DSC2: variants seen among roughly 807,000 people sequenced by gnomAD.
DSC2 encodes the protein desmocollin-2.
Under a neutral mutation model 87.6 loss-of-function variants are expected in DSC2, and 51 were observed. The observed-to-expected ratio is 0.58, with a 90% CI of 0.46 to 0.74. The LOEUF is 0.74. Among genes scored for constraint, DSC2 ranks in the 30% least tolerant of loss-of-function variants. The pLI is 0.00. For synonymous variants in DSC2, 383 were observed against 393.2 expected (o/e 0.97, Z 0.31); for missense variants, 1,066 against 1,089.5 (o/e 0.98, Z 0.30).
At chr18:31,093,742 A>C (rs1051734235) in intron 1 of DSC2, 99 bp from the exon 2 acceptor site, 1 of 411,244 alleles carries the variant, frequency 2.4e-6, no homozygotes, top group Non-Finnish European at 3.6e-6. Context: ...TGATATACAC[A>C]TAAAAAGGCA....
chr18:31,080,139 A>G lies in DSC2; in HGVS notation c.1477T>C (p.Tyr493His), dbSNP rs565828783. The change falls in exon 10 of 16, where the codon TAT (tyrosine) becomes CAT (histidine). Residue 493 changes from tyrosine to histidine, a missense_variant. Tyr to His is a moderately conservative substitution (Grantham distance 83). Transcript: ENST00000280904. Reference sequence around the variant, plus strand: ...CTTGTTTCTGGGTCATATGCTTTATATCCATTGCTTGTTGTTCCCACTTCT... The same window carrying G: ...CTTGTTTCTGGGTCATATGCTTTATGTCCATTGCTTGTTGTTCCCACTTCT... ...NAEVGTTSNG[Y>H]KAYDPETRSS... 1.2e-6 allele frequency: 2 copies of G among 1,614,090 alleles called. No individual in the cohort carries two copies. The highest frequency in any genetic ancestry group is 4.5e-5 in the East Asian group (2 of 44,876).
At position 31,092,281 on chromosome 18, in the gene DSC2, A is replaced by G. The variant is rs150792047; in HGVS notation, c.174T>C (p.Phe58=). The G allele has an allele frequency of 5.8e-5, 93 of 1,613,630 alleles. No individual in the cohort carries two copies. In the African/African-American group the frequency reaches 1.2e-3, roughly 21 times the overall value. ...TTGAATGAATTAGATTTGCAGCTGT[A>G]AAGCACTCTTTCAGGTTAACTGTAG... ...LVGRVNLKEC[F]TAANLIHSSD... Residue 58 remains phenylalanine (F), a synonymous_variant, in exon 3 of 16, where the codon TTT becomes TTC. Coordinates refer to ENST00000280904, the MANE Select transcript of DSC2 (RefSeq NM_024422.6).
intron 1 of DSC2, among the ~76,000 whole-genome samples, chr18:31,097,033 T>C (rs1987781248): frequency 6.6e-6 from 1 of 151,790 alleles, no homozygotes; most frequent in African/African-American, 2.4e-5. Context: ...ACAAGAAATT[T>C]CCACTTTGGG....
At chr18:31,098,669 G>A (rs1419494000) in intron 1 of DSC2, among the ~76,000 whole-genome samples, 1 of 151,582 alleles carries the variant, frequency 6.6e-6, no homozygotes, top group African/African-American at 2.4e-5. Context: ...TCCCCAGTCT[G>A]GTCTTGAACT....
chr18:31,085,453 T>C (rs906533860), intron 7 of DSC2, among the ~76,000 whole-genome samples: 1 of 151,396 alleles, frequency 6.6e-6, no homozygotes, highest in African/African-American at 2.4e-5. Context: ...AACATGTAAT[T>C]AATTTATTAT....
At chr18:31,081,403 G>C (rs879035049) in intron 9 of DSC2, among the ~76,000 whole-genome samples, 1 of 152,044 alleles carries the variant, frequency 6.6e-6, no homozygotes, top group Non-Finnish European at 1.5e-5. Flanking sequence ...TTCAGGTCTT[G>C]GACTTCACAC....
chr18:31,071,924 T>G (rs146248554), intron 12 of DSC2, 83 bp from the exon 13 acceptor site: 769 of 1,234,548 alleles, frequency 6.2e-4, no homozygotes, highest in Non-Finnish European at 8.4e-4. Flanking sequence ...ATCAGATAGT[T>G]ATATTTTCCT....
At chr18:31,078,547 T>C (rs1394805903) in intron 11 of DSC2, among the ~76,000 whole-genome samples, 1 of 152,306 alleles carries the variant, frequency 6.6e-6, no homozygotes, top group East Asian at 1.9e-4. Flanking sequence ...CAAGTGCCGT[T>C]GAGTTTCATG....
rs913827572 is a variant in DSC2, at chr18:31,065,057, T to C, written c.*2958A>G. 2.6e-5 allele frequency: 4 copies of C among 152,246 alleles called. No individual in the cohort carries two copies. Among genetic ancestry groups the C allele is most frequent in the Admixed American group, 1.3e-4 (2 of 15,276 alleles). The allele number at this position is 152,246 out of a possible 1,614,324, so 9.4% of individuals were successfully genotyped here. A position where few individuals can be genotyped will look rare whatever the true frequency, so the allele number is the denominator to read the frequency against. Reference sequence around the variant, plus strand: ...AGCCATTTCTTCGGGAAACTCTTTATGATTTTGCCTCCTCGAGAATTTTAC... The same window carrying C: ...AGCCATTTCTTCGGGAAACTCTTTACGATTTTGCCTCCTCGAGAATTTTAC... On this transcript the variant is annotated 3_prime_UTR_variant, in exon 16 of 16. Transcript: ENST00000280904.
rs71175757 is a variant in DSC2 at position 31,074,421 on chromosome 18, ATGTGTGTGTGTG to A, written c.1888+250_1888+261del. Among the ~76,000 whole-genome samples the A allele has an allele frequency of 0.23, 31,502 of 139,872 alleles. 3,748 individuals carry two copies. The highest frequency in any genetic ancestry group is 0.32 in the African/African-American group (11,845 of 37,520). 91.8% of individuals were successfully genotyped at this position (139,872 alleles called of 152,430 possible). On this transcript the variant is annotated intron_variant, in intron 12 of 15. Transcript: ENST00000280904. ...AGAGAGAAAGAGAGAAAGAGAAAAAATGTGTGTGTGTGTGTGTGTGTGTGTGTGTGTGTGTGT... is the reference window on the plus strand; with the variant it reads ...AGAGAGAAAGAGAGAAAGAGAAAAAATGTGTGTGTGTGTGTGTGTGTGTGT...
At position 31,063,590 on chromosome 18, in the gene DSC2, C is replaced by T. The variant is rs548641188; in HGVS notation, c.*4425G>A. 6.6e-6 allele frequency: 1 copy of T among 151,972 alleles called. No homozygotes were observed. 9.4% of individuals were successfully genotyped at this position (151,972 alleles called of 1,614,324 possible). A position where few individuals can be genotyped will look rare whatever the true frequency, so the allele number is the denominator to read the frequency against. On this transcript the variant is annotated 3_prime_UTR_variant, in exon 16 of 16. Transcript: ENST00000280904. Reference sequence around the variant, plus strand: ...AAAAGAGAACTAATCATGAGCAAGGCACAAATTGAAAAATGAAGGATACAA... The same window carrying T: ...AAAAGAGAACTAATCATGAGCAAGGTACAAATTGAAAAATGAAGGATACAA...
chr18:31,063,927 G>A lies in DSC2; in HGVS notation c.*4088C>T, dbSNP rs1223631810. The A allele has an allele frequency of 6.6e-6, 1 of 152,116 alleles. No homozygotes were observed. The highest frequency in any genetic ancestry group is 2.4e-5 in the African/African-American group (1 of 41,430). 9.4% of individuals were successfully genotyped at this position (152,116 alleles called of 1,614,324 possible). ...CCTATAGAAAGCTCTTAGGCAGAAT[G>A]GCATGATCATATCTGCTCTTTGATG... is the stretch of plus-strand genomic sequence containing the variant. On this transcript the variant is annotated 3_prime_UTR_variant, in exon 16 of 16. Coordinates refer to ENST00000280904, the MANE Select transcript of DSC2 (RefSeq NM_024422.6).
chr18:31,074,234 T>C (rs988759889), intron 12 of DSC2, among the ~76,000 whole-genome samples: 6 of 152,180 alleles, frequency 3.9e-5, no homozygotes, highest in African/African-American at 1.2e-4. Context: ...AGCAAATTCC[T>C]TAGTCATCAT....
In DSC2 at chr18:31,070,791, G is replaced by A; in HGVS notation, c.2185C>T (p.Pro729Ser). Residue 729 changes from proline to serine, a missense_variant, in exon 14 of 16, where the codon CCT (proline) becomes TCT (serine). Transcript: ENST00000280904. ...SGTSKQPKVI[P>S]DDLAQQNLIV... The stretch of plus-strand genomic sequence containing the variant: ...AGGTTCTGCTGGGCTAAATCATCAG[G>A]AATTACTTTTGGTTGTTTAGACGTC... 2.5e-6 allele frequency: 4 copies of A among 1,613,926 alleles called. No homozygotes were observed. Among genetic ancestry groups the A allele is most frequent in the Non-Finnish European group, 3.4e-6 (4 of 1,179,896 alleles).
chr18:31,070,689 C>G (rs770166480), intron 14 of DSC2, 37 bp downstream of exon 14: 19 of 1,612,098 alleles, frequency 1.2e-5, no homozygotes, highest in African/African-American at 1.1e-4. Flanking sequence ...TAAGCGAATT[C>G]ATCCTTTGTA....
chr18:31,071,783 A>ATGAGCCAAAT lies in DSC2; in HGVS notation c.1946_1947insATTTGGCTCA (p.Ile650PhefsTer9). 6.2e-7 allele frequency: 1 copy of ATGAGCCAAAT among 1,614,038 alleles called. No homozygotes were observed. The highest frequency in any genetic ancestry group is 1.1e-5 in the South Asian group (1 of 91,082). On this transcript the variant is annotated frameshift_variant, in exon 13 of 16. Transcript: ENST00000280904. LOFTEE classifies it high-confidence loss of function. ...TGCCAAGTCTATCTCTCACTGTTATAGGTACTACATATGAGCCAAATGGAG... is the reference window on the plus strand; with the variant it reads ...TGCCAAGTCTATCTCTCACTGTTATATGAGCCAAATGGTACTACATATGAGCCAAATGGAG...
chr18:31,084,993 A>T (rs1411786467), intron 7 of DSC2, among the ~76,000 whole-genome samples: 1 of 152,148 alleles, frequency 6.6e-6, no homozygotes, highest in Non-Finnish European at 1.5e-5. Context: ...TGTACTGGTA[A>T]AATGGTCACT....
At position 31,080,281 on chromosome 18, in the gene DSC2, T is replaced by G; in HGVS notation, c.1335A>C (p.Arg445Ser). 1.9e-6 allele frequency: 3 copies of G among 1,614,086 alleles called. No individual in the cohort carries two copies. The highest frequency in any genetic ancestry group is 2.5e-6 in the Non-Finnish European group (3 of 1,180,002). ...IGVVNEAPFSREASPRSAMST... is the reference protein window; with the variant it reads ...IGVVNEAPFSSEASPRSAMST... ...TCATGGCTGATCTTGGACTAGCCTC[T>G]CTGGAAAATGGAGCTTCATTAACTA... Residue 445 changes from arginine (R) to serine (S), a missense_variant, in exon 10 of 16, where the codon AGA becomes AGC. Arg to Ser is a moderately radical substitution (Grantham distance 110). Transcript: ENST00000280904.
At position 31,067,831 on chromosome 18, in the gene DSC2, T is replaced by G. The variant is rs182651480; in HGVS notation, c.*184A>C. ...AAGTAATTTAAAAATATGTAAAAATTGAAAAATTTGTGTACTTGTTTATAG... is the reference window on the plus strand; with the variant it reads ...AAGTAATTTAAAAATATGTAAAAATGGAAAAATTTGTGTACTTGTTTATAG... On this transcript the variant is annotated 3_prime_UTR_variant, in exon 16 of 16. Coordinates refer to ENST00000280904, the MANE Select transcript of DSC2 (RefSeq NM_024422.6). The G allele has an allele frequency of 2.3e-5, 14 of 603,356 alleles. No homozygotes were observed. The highest frequency in any genetic ancestry group is 4.0e-5 in the Non-Finnish European group (14 of 348,416). 37.4% of individuals were successfully genotyped at this position (603,356 alleles called of 1,614,324 possible).
Sources: allele counts gnomAD v4.1 joint callset (sites outside exome capture counted in the v4.1 genomes callset), GRCh38; gene constraint gnomAD v4.1.1; transcripts MANE v1.5; gene names NCBI Gene and HGNC (gene_info 2026-07-23, HGNC 2026-07-21).